PRKG1: variants seen among roughly 807,000 people sequenced by gnomAD.
PRKG1 encodes protein kinase cGMP-dependent 1.
PRKG1 carries 35 observed loss-of-function variants against 88.1 expected under a neutral mutation model. That is an observed-to-expected ratio of 0.40 (90% CI 0.30 to 0.53). The LOEUF (loss-of-function observed/expected upper bound fraction) is 0.53, where lower values mean the gene tolerates loss of function less well. Ranked by LOEUF, PRKG1 falls within the 20% of genes least tolerant of loss-of-function variation. PRKG1 has a pLI of 0.59. For missense variants in PRKG1, 540 were observed against 839.8 expected, an observed-to-expected ratio of 0.64 and a Z score of 4.41; for synonymous variants, 303 against 292.5, an observed-to-expected ratio of 1.04 and a Z score of -0.37.
At chr10:52,140,301 G>T (rs1392530756) in intron 8 of PRKG1, among the ~76,000 whole-genome samples, 1 of 152,158 alleles carries the variant, frequency 6.6e-6, no homozygotes, top group Non-Finnish European at 1.5e-5. Context: ...GAACTGATTT[G>T]AAGCGTCTGA....
chr10:51,998,628 C>G (rs541462469), intron 5 of PRKG1, among the ~76,000 whole-genome samples: 236 of 152,172 alleles, frequency 1.6e-3, no homozygotes, highest in Middle Eastern at 3.4e-3. Context: ...GAACCTGAAG[C>G]ATATATACCA....
chr10:51,177,311 A>G (rs1330703115), intron 2 of PRKG1, among the ~76,000 whole-genome samples: 1 of 152,256 alleles, frequency 6.6e-6, no homozygotes, highest in African/African-American at 2.4e-5. Flanking sequence ...ATGAATTTAA[A>G]GTGAAAATAA....
chr10:51,907,261 G>GT (rs1382565361), intron 4 of PRKG1, among the ~76,000 whole-genome samples: 4 of 151,324 alleles, frequency 2.6e-5, no homozygotes, highest in Non-Finnish European at 4.4e-5. Context: ...CAAACTCCAA[G>GT]TTTTTTTTTC....
At chr10:51,816,836 C>G (rs1221487053) in intron 4 of PRKG1, among the ~76,000 whole-genome samples, 2 of 152,072 alleles carry the variant, frequency 1.3e-5, no homozygotes, top group East Asian at 1.9e-4. Context: ...TCCCTGTTGG[C>G]TGGAGGGGGT....
intron 4 of PRKG1, among the ~76,000 whole-genome samples, chr10:51,807,078 C>T (rs923347232): frequency 7.9e-5 from 12 of 152,156 alleles, no homozygotes; most frequent in African/African-American, 2.7e-4. Flanking sequence ...AAGCTTATTT[C>T]TACTTCTAGA....
chr10:52,082,648 T>C (rs1258155516), intron 7 of PRKG1, among the ~76,000 whole-genome samples: 1 of 152,162 alleles, frequency 6.6e-6, no homozygotes, highest in Non-Finnish European at 1.5e-5. Context: ...TATCCCATTA[T>C]GGTTTGATAC....
chr10:51,322,064 A>G (rs780379085), intron 2 of PRKG1, among the ~76,000 whole-genome samples: 6 of 152,118 alleles, frequency 3.9e-5, no homozygotes, highest in African/African-American at 7.2e-5. Context: ...CAAGTTCTCA[A>G]TTGCTATGTG....
At chr10:51,762,883 C>A (rs921357797) in intron 3 of PRKG1, among the ~76,000 whole-genome samples, 3 of 152,140 alleles carry the variant, frequency 2.0e-5, no homozygotes, top group Non-Finnish European at 4.4e-5. Context: ...TGCAAAGGTA[C>A]CTGTGTATTT....
chr10:51,609,658 A>G lies in PRKG1; in HGVS notation c.592+141822A>G, dbSNP rs552142290. Among the ~76,000 whole-genome samples the G allele has an allele frequency of 3.9e-5, 6 of 152,366 alleles. No individual in the cohort carries two copies. In the East Asian group the frequency reaches 1.2e-3, roughly 29 times the overall value. On this transcript the variant is annotated intron_variant, in intron 3 of 17. Transcript: ENST00000373980. Reference sequence around the variant, plus strand: ...ATATACCATGGATTACTATGCAGCCATAAAAAGGAATGAGGTCATGTTCTT... The same window carrying G: ...ATATACCATGGATTACTATGCAGCCGTAAAAAGGAATGAGGTCATGTTCTT...
chr10:52,290,946 G>A (rs1842227031), intron 17 of PRKG1, among the ~76,000 whole-genome samples: 1 of 137,304 alleles, frequency 7.3e-6, no homozygotes, highest in Non-Finnish European at 1.5e-5. Flanking sequence ...TTTTTGAGAT[G>A]GAGTCTTAAT....
intron 3 of PRKG1, among the ~76,000 whole-genome samples, chr10:51,724,119 T>C (rs1170720616): frequency 6.6e-6 from 1 of 151,850 alleles, no homozygotes; most frequent in African/African-American, 2.4e-5. Flanking sequence ...ATAGAGGGGG[T>C]AAAAAAGCAG....
intron 3 of PRKG1, among the ~76,000 whole-genome samples, chr10:51,626,956 G>A (rs1839352466): frequency 6.6e-6 from 1 of 152,058 alleles, no homozygotes; most frequent in Non-Finnish European, 1.5e-5. Flanking sequence ...CAATGTTTAT[G>A]AAAACCTACC....
At chr10:51,469,099 G>A (rs1839981019) in intron 3 of PRKG1, among the ~76,000 whole-genome samples, 1 of 151,702 alleles carries the variant, frequency 6.6e-6, no homozygotes, top group Admixed American at 6.6e-5. Flanking sequence ...CAAAGAATGA[G>A]ACTCAGTGAA....
intron 3 of PRKG1, among the ~76,000 whole-genome samples, chr10:51,616,789 G>A (rs1265718928): frequency 2.0e-5 from 3 of 152,144 alleles, no homozygotes; most frequent in Non-Finnish European, 2.9e-5. Flanking sequence ...ACTGGGTAGG[G>A]TGGGGCTGTC....
chr10:51,090,923 TG>T (rs1444017337), intron 1 of PRKG1, among the ~76,000 whole-genome samples: 5 of 152,216 alleles, frequency 3.3e-5, no homozygotes, highest in African/African-American at 1.2e-4. Context: ...CCAACTTGAA[TG>T]TTTTCTGTCC....
chr10:52,115,762 C>A (rs1847671952), intron 7 of PRKG1, among the ~76,000 whole-genome samples: 1 of 152,116 alleles, frequency 6.6e-6, no homozygotes, highest in African/African-American at 2.4e-5. Flanking sequence ...TGACTTTATC[C>A]TTTACCCTTC....
At chr10:51,602,712 G>C (rs1020499386) in intron 3 of PRKG1, among the ~76,000 whole-genome samples, 8 of 147,336 alleles carry the variant, frequency 5.4e-5, no homozygotes, top group African/African-American at 2.0e-4. Context: ...ACTGCGCCTG[G>C]CTGGCTTTGA....
At chr10:51,598,567 C>T (rs887695225) in intron 3 of PRKG1, among the ~76,000 whole-genome samples, 3 of 152,184 alleles carry the variant, frequency 2.0e-5, no homozygotes, top group Non-Finnish European at 4.4e-5. Context: ...CTGCCCAAGA[C>T]TTTTAATATT....
chr10:51,497,871 G>A (rs74132518), intron 3 of PRKG1, among the ~76,000 whole-genome samples: 2,694 of 152,200 alleles, frequency 0.018, 57 homozygotes, highest in African/African-American at 0.046. Flanking sequence ...AGTATGGGAG[G>A]AAAATCCACA....
Sources: gnomAD v4.1 joint callset for allele counts (sites outside exome capture counted in the v4.1 genomes callset) on GRCh38, gnomAD v4.1.1 for gene constraint, MANE v1.5 for transcripts, NCBI Gene and HGNC (gene_info 2026-07-23, HGNC 2026-07-21) for gene names.